The following PARD3 variants were observed in gnomAD, a reference collection of about 807,000 sequenced individuals.
PARD3 encodes partitioning defective 3 homolog.
Under a neutral mutation model 155.4 loss-of-function variants are expected in PARD3, and 75 were observed. The observed-to-expected ratio is 0.48, with a 90% CI of 0.40 to 0.58. The LOEUF (loss-of-function observed/expected upper bound fraction) is 0.58. Among genes scored for constraint, PARD3 ranks in the 20% least tolerant of loss-of-function variants. PARD3 has a pLI of 0.00. For missense variants in PARD3, 1,642 were observed against 1,721.7 expected, an observed-to-expected ratio of 0.95 and a Z score of 0.82; for synonymous variants, 576 against 610.5, an observed-to-expected ratio of 0.94 and a Z score of 0.83.
intron 1 of PARD3, among the ~76,000 whole-genome samples, chr10:34,742,454 T>A (rs10827412): frequency 2.0e-5 from 3 of 152,098 alleles, no homozygotes; most frequent in South Asian, 2.1e-4. Context: ...CTGGATGGCC[T>A]CTACACAACA....
chr10:34,525,365 T>C (rs1298923157), intron 2 of PARD3, among the ~76,000 whole-genome samples: 6 of 152,238 alleles, frequency 3.9e-5, no homozygotes, highest in Non-Finnish European at 8.8e-5. Flanking sequence ...ATGTTCCTAC[T>C]GGCTAAGCCA....
intron 5 of PARD3, among the ~76,000 whole-genome samples, chr10:34,427,174 C>T (rs1267021915): frequency 1.3e-5 from 2 of 152,178 alleles, no homozygotes; most frequent in African/African-American, 4.8e-5. Flanking sequence ...CAGCGATTTT[C>T]AGGGAACAAG....
chr10:34,600,323 C>G (rs552894244), intron 2 of PARD3, among the ~76,000 whole-genome samples: 1 of 151,356 alleles, frequency 6.6e-6, no homozygotes, highest in Non-Finnish European at 1.5e-5. Flanking sequence ...CCAGCCTGGG[C>G]GACAGAGCGA....
intron 5 of PARD3, among the ~76,000 whole-genome samples, chr10:34,414,746 A>T (rs2132344807): frequency 6.6e-6 from 1 of 152,274 alleles, no homozygotes; most frequent in African/African-American, 2.4e-5. Flanking sequence ...GGTGATAGAC[A>T]TGCCCAGTAC....
At chr10:34,802,996 C>T (rs1050005414) in intron 1 of PARD3, among the ~76,000 whole-genome samples, 3 of 145,992 alleles carry the variant, frequency 2.1e-5, no homozygotes, top group South Asian at 2.2e-4. Context: ...GAAGCCAAGG[C>T]GGGTGGATCA....
intron 2 of PARD3, among the ~76,000 whole-genome samples, chr10:34,622,913 G>C (rs1290370933): frequency 1.3e-5 from 2 of 149,574 alleles, no homozygotes; most frequent in Non-Finnish European, 3.0e-5. Context: ...ACTATGAAGA[G>C]TGTAAAGTGG....
chr10:34,275,462 C>T (rs1955829195), intron 21 of PARD3, among the ~76,000 whole-genome samples: 1 of 152,152 alleles, frequency 6.6e-6, no homozygotes, highest in Admixed American at 6.6e-5. Flanking sequence ...ACAAATAGCA[C>T]TTTAGAGTAG....
intron 1 of PARD3, among the ~76,000 whole-genome samples, chr10:34,698,134 C>CCA (rs1329421246): frequency 6.6e-6 from 1 of 151,716 alleles, no homozygotes; most frequent in Non-Finnish European, 1.5e-5. Context: ...TAAAATACTT[C>CCA]CACACACACA....
intron 2 of PARD3, among the ~76,000 whole-genome samples, chr10:34,579,554 C>CTCTGTGTGTGTGTGTG (rs1554775574): frequency 2.0e-4 from 25 of 122,574 alleles, no homozygotes; most frequent in African/African-American, 6.7e-4. Flanking sequence ...ACCATTTTCT[C>CTCTGTGTGTGTGTGTG]TGTGTGTGTG....
At position 34,111,139 on chromosome 10, in the gene PARD3, C is replaced by A. The variant is rs1206588193; in HGVS notation, c.*30G>T. 11 of 1,513,244 alleles carry A rather than the reference C, an allele frequency of 7.3e-6. No homozygotes were observed. The highest frequency in any genetic ancestry group is 1.4e-5 in the African/African-American group (1 of 71,530). 93.7% of individuals were successfully genotyped at this position (1,513,244 alleles called of 1,614,324 possible). On this transcript the variant is annotated 3_prime_UTR_variant, in exon 25 of 25. Coordinates refer to ENST00000374788, the MANE Select transcript of PARD3 (RefSeq NM_001184785.2). The stretch of plus-strand genomic sequence containing the variant: ...CTTCATAGGAAAATGTCTTTTATTG[C>A]GCGACATGAAGCATCCGTTATTTGC...
Position 34,457,944 on chromosome 10 carries a change from T to C in PARD3, c.583-7496A>G, listed in dbSNP as rs144943458. Reference sequence around the variant, plus strand: ...AAAATTTCCAACTTCTCATTCTTAATCTAACATGGAACCATAGTTTAGGTG... The same window carrying C: ...AAAATTTCCAACTTCTCATTCTTAACCTAACATGGAACCATAGTTTAGGTG... On this transcript the variant is annotated intron_variant, in intron 4 of 24. Transcript: ENST00000374788. Among the ~76,000 whole-genome samples, 34 of 152,288 alleles carry C rather than the reference T, an allele frequency of 2.2e-4. No individual in the cohort carries two copies. In the East Asian group the frequency reaches 2.3e-3, roughly 10 times the overall value.
intron 21 of PARD3, among the ~76,000 whole-genome samples, chr10:34,282,069 G>A (rs1235858452): frequency 6.4e-5 from 9 of 139,772 alleles, no homozygotes; most frequent in Non-Finnish European, 9.7e-5. Flanking sequence ...CAGAAAGAAC[G>A]ACATATGGAA....
intron 19 of PARD3, among the ~76,000 whole-genome samples, chr10:34,327,353 A>G (rs1835134358): frequency 1.3e-5 from 2 of 152,186 alleles, no homozygotes; most frequent in East Asian, 3.9e-4. Context: ...CCATCTCCAC[A>G]GGAAGAATGT....
chr10:34,430,673 G>C (rs1456632703), intron 5 of PARD3, among the ~76,000 whole-genome samples: 2 of 152,108 alleles, frequency 1.3e-5, no homozygotes, highest in Non-Finnish European at 2.9e-5. Context: ...ACAACTAAAA[G>C]AAACAGAAAT....
At chr10:34,361,942 C>T (rs1051024895) in intron 12 of PARD3, among the ~76,000 whole-genome samples, 1 of 152,092 alleles carries the variant, frequency 6.6e-6, no homozygotes, top group East Asian at 1.9e-4. Context: ...TGATCAAAGT[C>T]CAAATAAAGC....
chr10:34,331,934 C>A (rs1378483365), intron 18 of PARD3, among the ~76,000 whole-genome samples: 1 of 152,038 alleles, frequency 6.6e-6, no homozygotes, highest in Non-Finnish European at 1.5e-5. Flanking sequence ...AGAAACCCAA[C>A]CCTGGGAAAT....
At chr10:34,779,570 G>A (rs1027463396) in intron 1 of PARD3, among the ~76,000 whole-genome samples, 4 of 147,200 alleles carry the variant, frequency 2.7e-5, no homozygotes, top group South Asian at 4.4e-4. Flanking sequence ...GCAGTGGGCC[G>A]AGATCACGCC....
chr10:34,735,537 C>T (rs934388895), intron 1 of PARD3, among the ~76,000 whole-genome samples: 1 of 152,196 alleles, frequency 6.6e-6, no homozygotes, highest in South Asian at 2.1e-4. Flanking sequence ...AGATCTGCTG[C>T]CAGTCCCAAA....
In PARD3 at chr10:34,341,183, GAAA is replaced by G. The variant is rs58274978; in HGVS notation, c.2408+441_2408+443del. Among the ~76,000 whole-genome samples, 151 of 117,326 alleles carry G rather than the reference GAAA, an allele frequency of 1.3e-3. 2 individuals are homozygous for G. The highest frequency in any genetic ancestry group is 4.4e-3 in the African/African-American group (139 of 31,506). The allele number at this position is 117,326 out of a possible 152,430, so 77.0% of individuals were successfully genotyped here. On this transcript the variant is annotated intron_variant, in intron 16 of 24. Coordinates refer to ENST00000374788, the MANE Select transcript of PARD3 (RefSeq NM_001184785.2). ...TTAAACAGTATGGTTATAGCACTCT[GAAA>G]AAAAAAAAAAAAAACACTTTAAAAA...
Sources: gnomAD v4.1 joint callset for allele counts (sites outside exome capture counted in the v4.1 genomes callset) on GRCh38, gnomAD v4.1.1 for gene constraint, MANE v1.5 for transcripts, NCBI Gene and HGNC (gene_info 2026-07-23, HGNC 2026-07-21) for gene names.